The following RARS2 variants were observed in gnomAD, a reference collection of about 807,000 sequenced individuals.
RARS2 encodes arginyl-tRNA synthetase 2, mitochondrial.
Under a neutral mutation model 88.5 loss-of-function variants are expected in RARS2, and 67 were observed. The observed-to-expected ratio is 0.76, with a 90% CI of 0.62 to 0.93. The LOEUF (loss-of-function observed/expected upper bound fraction) is 0.93. Ranked by LOEUF, RARS2 falls within the 40% of genes least tolerant of loss-of-function variation. The pLI is 0.00. For missense variants in RARS2, 664 were observed against 684.2 expected (o/e 0.97, Z 0.33); for synonymous variants, 239 against 230.3 (o/e 1.04, Z -0.34).
intron 8 of RARS2, among the ~76,000 whole-genome samples, chr6:87,533,037 T>G (rs993240905): frequency 1.3e-5 from 2 of 152,182 alleles, no homozygotes; most frequent in African/African-American, 4.8e-5. Context: ...CATACATACA[T>G]GTGCACACAA....
chr6:87,552,704 C>T (rs1784744423), intron 5 of RARS2, among the ~76,000 whole-genome samples: 1 of 151,778 alleles, frequency 6.6e-6, no homozygotes, highest in South Asian at 2.1e-4. Flanking sequence ...GTAAGGAAGA[C>T]TGAAGCCACA....
intron 4 of RARS2, among the ~76,000 whole-genome samples, chr6:87,559,398 C>T (rs71548716): frequency 0.08 from 10,587 of 131,972 alleles, 527 homozygotes; most frequent in African/African-American, 0.16. Context: ...ACCTGGGGGG[C>T]GGAGGTGGGA....
At chr6:87,548,842 T>C (rs1201689638) in intron 5 of RARS2, among the ~76,000 whole-genome samples, 196 bp from the exon 6 acceptor site, 5 of 152,226 alleles carry the variant, frequency 3.3e-5, no homozygotes, top group African/African-American at 1.2e-4. Flanking sequence ...ATGAAATTGA[T>C]CTTGTGACTC....
At chr6:87,521,439 A>G (rs778694764) in intron 12 of RARS2, 25 bp downstream of exon 12, 12 of 1,537,790 alleles carry the variant, frequency 7.8e-6, no homozygotes, top group East Asian at 2.3e-5. Flanking sequence ...TTAAGAGATC[A>G]TAACTTTTTG....
At chr6:87,571,316 G>A (rs528628291) in intron 1 of RARS2, among the ~76,000 whole-genome samples, 81 of 152,170 alleles carry the variant, frequency 5.3e-4, no homozygotes, top group Non-Finnish European at 1.0e-3. Flanking sequence ...TGCAACGATT[G>A]TAAGTTTCCT....
intron 7 of RARS2, 26 bp from the exon 8 acceptor site, chr6:87,542,020 A>T (rs1442996430): frequency 7.0e-6 from 11 of 1,578,996 alleles, no homozygotes; most frequent in Non-Finnish European, 9.6e-6. Context: ...GTAAATGAAA[A>T]ATTATAAAGT....
chr6:87,567,311 G>C (rs573327605), intron 2 of RARS2, among the ~76,000 whole-genome samples: 2 of 152,206 alleles, frequency 1.3e-5, no homozygotes, highest in African/African-American at 4.8e-5. Context: ...GCACACACAG[G>C]GTTCATTAAA....
At chr6:87,587,298 G>C (rs529424941) in intron 1 of RARS2, among the ~76,000 whole-genome samples, 2 of 152,238 alleles carry the variant, frequency 1.3e-5, no homozygotes, top group African/African-American at 4.8e-5. Flanking sequence ...TCAAATTTTG[G>C]AGCATTTCAG....
intron 7 of RARS2, among the ~76,000 whole-genome samples, chr6:87,542,914 T>C (rs1781455825): frequency 6.6e-6 from 1 of 151,806 alleles, no homozygotes; most frequent in Non-Finnish European, 1.5e-5. Context: ...TGTATACATA[T>C]GTAACAAACC....
chr6:87,573,990 A>C (rs1482161162), intron 1 of RARS2, among the ~76,000 whole-genome samples: 1 of 152,268 alleles, frequency 6.6e-6, no homozygotes, highest in Non-Finnish European at 1.5e-5. Context: ...GAGATGAATT[A>C]ACAATTCTCA....
chr6:87,519,374 A>G (rs1773062503), intron 14 of RARS2: 1 of 532,982 alleles, frequency 1.9e-6, no homozygotes, highest in South Asian at 2.0e-5. Context: ...AAGAGGACCA[A>G]GGTTATAGTA....
chr6:87,557,779 GCTCTTC>G (rs1582667127), intron 4 of RARS2, among the ~76,000 whole-genome samples: 2 of 152,118 alleles, frequency 1.3e-5, no homozygotes, highest in East Asian at 3.9e-4. Context: ...TCCTTTGTAG[GCTCTTC>G]TTCCACCATC....
At chr6:87,544,761 T>C (rs1782090552) in intron 7 of RARS2, among the ~76,000 whole-genome samples, 1 of 151,828 alleles carries the variant, frequency 6.6e-6, no homozygotes. Context: ...TTTGTGGTAG[T>C]ACTTAACTGT....
intron 1 of RARS2, among the ~76,000 whole-genome samples, chr6:87,588,233 T>C (rs1170240700): frequency 6.6e-6 from 1 of 152,254 alleles, no homozygotes; most frequent in African/African-American, 2.4e-5. Context: ...TGATATGGTT[T>C]ACTGTCTACA....
chr6:87,535,671 G>GTTT (rs33991266), intron 8 of RARS2, among the ~76,000 whole-genome samples: 87 of 129,926 alleles, frequency 6.7e-4, no homozygotes, highest in Non-Finnish European at 9.2e-4. Context: ...TTATGTAACT[G>GTTT]TTTTGTTTTT....
At chr6:87,524,416 T>G in intron 11 of RARS2, 141 bp downstream of exon 11, 1 of 736,728 alleles carries the variant, frequency 1.4e-6, no homozygotes, top group Non-Finnish European at 2.4e-6. Context: ...TTTAGTTGAT[T>G]ATGAAGTACT....
At chr6:87,566,149 G>A (rs902469836) in intron 2 of RARS2, among the ~76,000 whole-genome samples, 2 of 151,476 alleles carry the variant, frequency 1.3e-5, no homozygotes, top group African/African-American at 4.8e-5. Context: ...CAATCTCTAA[G>A]AAAAAAAATT....
chr6:87,558,748 T>C lies in RARS2; in HGVS notation c.298-3243A>G, dbSNP rs1256519283. ...AATAAAAGTATAGCACATACAATTA[T>C]GTACATCATGATACTTGATAATAAT... On this transcript the variant is annotated intron_variant, in intron 4 of 19. Transcript: ENST00000369536. 2.0e-5 allele frequency among the ~76,000 whole-genome samples: 3 copies of C among 152,258 alleles called. No homozygotes were observed. In the East Asian group the frequency reaches 5.8e-4, roughly 29 times the overall value.
intron 4 of RARS2, among the ~76,000 whole-genome samples, chr6:87,557,671 T>C (rs1786412107): frequency 6.6e-6 from 1 of 152,196 alleles, no homozygotes; most frequent in Non-Finnish European, 1.5e-5. Context: ...TAAACACTTT[T>C]CAAACATCAT....
Sources: gnomAD v4.1 joint callset for allele counts (sites outside exome capture counted in the v4.1 genomes callset) on GRCh38, gnomAD v4.1.1 for gene constraint, MANE v1.5 for transcripts, NCBI Gene and HGNC (gene_info 2026-07-23, HGNC 2026-07-21) for gene names.